EYS: variants seen among roughly 807,000 people sequenced by gnomAD.
EYS encodes the protein protein eyes shut homolog.
Under a neutral mutation model 282.1 loss-of-function variants are expected in EYS, and 250 were observed. The observed-to-expected ratio is 0.89, with a 90% CI of 0.80 to 0.98. EYS has a LOEUF of 0.98. Among genes scored for constraint, EYS ranks in the 50% least tolerant of loss-of-function variants. The pLI is 0.00. For synonymous variants in EYS, 1,355 were observed against 1,282.9 expected (o/e 1.06, Z -1.20); for missense variants, 4,016 against 3,709.0 (o/e 1.08, Z -2.15).
intron 12 of EYS, among the ~76,000 whole-genome samples, chr6:65,073,498 C>T (rs931384523): frequency 2.0e-5 from 3 of 151,632 alleles, no homozygotes; most frequent in South Asian, 2.1e-4. Flanking sequence ...CATCTATCTA[C>T]TTACAGAACC....
At chr6:65,120,325 T>C (rs1561976171) in intron 12 of EYS, among the ~76,000 whole-genome samples, 1 of 151,740 alleles carries the variant, frequency 6.6e-6, no homozygotes, top group South Asian at 2.1e-4. Context: ...TTTTTTAAAA[T>C]AGTTTTCTTC....
intron 30 of EYS, among the ~76,000 whole-genome samples, chr6:64,235,671 T>G (rs1766578952): frequency 6.6e-6 from 1 of 152,178 alleles, no homozygotes; most frequent in South Asian, 2.1e-4. Flanking sequence ...CCACACTGAC[T>G]TCCACAATGG....
intron 36 of EYS, among the ~76,000 whole-genome samples, chr6:63,827,838 A>G (rs371979282): frequency 0.01 from 1,290 of 128,568 alleles, 13 homozygotes; most frequent in African/African-American, 0.037. Flanking sequence ...GCGACAGAGC[A>G]AGACTCCGTC....
chr6:65,508,677 A>G (rs187865386), intron 2 of EYS, among the ~76,000 whole-genome samples: 55 of 151,862 alleles, frequency 3.6e-4, no homozygotes, highest in Non-Finnish European at 6.9e-4. Context: ...AAAAAAAAAA[A>G]AAAGAAAGAA....
intron 33 of EYS, among the ~76,000 whole-genome samples, chr6:64,004,628 G>A (rs188333636): frequency 1.3e-4 from 20 of 152,134 alleles, no homozygotes; most frequent in Middle Eastern, 3.4e-3. Context: ...CCCTCAAGTA[G>A]GCTCCAGTGT....
chr6:64,279,747 C>T (rs1227957423), intron 30 of EYS, among the ~76,000 whole-genome samples: 1 of 152,146 alleles, frequency 6.6e-6, no homozygotes, highest in Non-Finnish European at 1.5e-5. Context: ...AGAGAAGCAG[C>T]CTGTTGTTCC....
chr6:64,922,937 T>G (rs1016484909), intron 15 of EYS, among the ~76,000 whole-genome samples: 1 of 152,162 alleles, frequency 6.6e-6, no homozygotes, highest in Admixed American at 6.5e-5. Flanking sequence ...CATTTCATTT[T>G]GTTTAGGATT....
chr6:64,616,517 A>C (rs998159527), intron 24 of EYS, among the ~76,000 whole-genome samples: 3 of 151,994 alleles, frequency 2.0e-5, no homozygotes, highest in African/African-American at 7.2e-5. Context: ...TCTACAATTG[A>C]TTTTTCAAAA....
intron 26 of EYS, among the ~76,000 whole-genome samples, chr6:64,460,837 CTCT>C (rs1775722714): frequency 6.6e-6 from 1 of 152,138 alleles, no homozygotes; most frequent in Non-Finnish European, 1.5e-5. Context: ...TGATTTTCAA[CTCT>C]TCATCTGATT....
chr6:65,049,741 T>C (rs1773209558), intron 13 of EYS, among the ~76,000 whole-genome samples: 1 of 151,720 alleles, frequency 6.6e-6, no homozygotes, highest in Admixed American at 6.6e-5. Context: ...TGTTAGAGTG[T>C]CAGGAGTACA....
At position 65,667,366 on chromosome 6, in the gene EYS, T is replaced by C. The variant is rs1582582319; in HGVS notation, c.-447-27474A>G. On this transcript the variant is annotated intron_variant, in intron 1 of 42. Transcript: ENST00000503581. ...TCTCACTTAAATTCATACCATTCTC[T>C]TTCTCACTTATTTGGCTTCACCCAT... Among the ~76,000 whole-genome samples, 3 of 152,020 alleles carry C rather than the reference T, an allele frequency of 2.0e-5. No homozygotes were observed. The East Asian group carries it at 5.8e-4, about 29-fold the overall frequency.
intron 18 of EYS, among the ~76,000 whole-genome samples, chr6:64,899,757 C>G (rs1477585587): frequency 1.3e-5 from 2 of 152,010 alleles, no homozygotes; most frequent in East Asian, 3.9e-4. Context: ...AAAAATTCCA[C>G]GCTCATGGAT....
At chr6:64,507,784 G>A (rs777188098) in intron 26 of EYS, among the ~76,000 whole-genome samples, 1 of 152,074 alleles carries the variant, frequency 6.6e-6, no homozygotes, top group Admixed American at 6.5e-5. Flanking sequence ...ATTCTCTAAG[G>A]AATTCTCTTA....
chr6:64,223,347 C>T (rs1766159120), intron 31 of EYS, among the ~76,000 whole-genome samples: 1 of 152,006 alleles, frequency 6.6e-6, no homozygotes, highest in Admixed American at 6.6e-5. Context: ...TTAGTAAATT[C>T]ATCAAATGTT....
In EYS at chr6:63,720,753, C is replaced by T; in HGVS notation, c.9278G>A (p.Gly3093Asp). Reference sequence around the variant, plus strand: ...TTGAGTAACGATATTTACCTTTCTACCATATTCAAAGCCCCCTAGATAACA... The same window carrying T: ...TTGAGTAACGATATTTACCTTTCTATCATATTCAAAGCCCCCTAGATAACA... The part of the protein sequence containing the change: ...GICYLGGFEY[G>D]RKVNIVTQEI... The change falls in exon 43 of 43, where the codon GGT (glycine) becomes GAT (aspartate). Residue 3093 changes from glycine (G) to aspartate (D), a missense_variant. Coordinates refer to ENST00000503581, the MANE Select transcript of EYS (RefSeq NM_001142800.2). 2.6e-6 allele frequency: 4 copies of T among 1,550,318 alleles called. No homozygotes were observed. Among genetic ancestry groups the T allele is most frequent in the Non-Finnish European group, 1.7e-6 (2 of 1,146,268 alleles).
At chr6:65,137,642 G>T (rs1776058713) in intron 12 of EYS, among the ~76,000 whole-genome samples, 1 of 152,034 alleles carries the variant, frequency 6.6e-6, no homozygotes, top group Non-Finnish European at 1.5e-5. Context: ...ATGGCTGCTG[G>T]ATATAAGGAG....
At chr6:65,453,387 T>C (rs974330557) in intron 5 of EYS, among the ~76,000 whole-genome samples, 4 of 152,010 alleles carry the variant, frequency 2.6e-5, no homozygotes, top group African/African-American at 9.7e-5. Context: ...AAAATATTTG[T>C]TTTCTTAATT....
chr6:64,234,583 A>G (rs1766525889), intron 30 of EYS, among the ~76,000 whole-genome samples: 1 of 152,164 alleles, frequency 6.6e-6, no homozygotes, highest in Non-Finnish European at 1.5e-5. Flanking sequence ...GTACCCATTT[A>G]AACAGCATTA....
intron 35 of EYS, among the ~76,000 whole-genome samples, chr6:63,970,432 G>A (rs1037736825): frequency 6.6e-5 from 10 of 152,018 alleles, no homozygotes; most frequent in East Asian, 1.9e-4. Context: ...TCAGGTGATC[G>A]AGACCATTCT....
Sources: gnomAD v4.1 joint callset for allele counts (sites outside exome capture counted in the v4.1 genomes callset) on GRCh38, gnomAD v4.1.1 for gene constraint, MANE v1.5 for transcripts, NCBI Gene and HGNC (gene_info 2026-07-23, HGNC 2026-07-21) for gene names.